UBA6: variants seen among roughly 807,000 people sequenced by gnomAD.
UBA6 encodes ubiquitin like modifier activating enzyme 6.
Under a neutral mutation model 148.3 loss-of-function variants are expected in UBA6, and 87 were observed. The ratio of observed to expected loss-of-function variants is 0.59; its 90% CI spans 0.49 to 0.70. UBA6 has a LOEUF of 0.70. Ranked by LOEUF, UBA6 falls within the 30% of genes least tolerant of loss-of-function variation. The probability of loss-of-function intolerance (pLI) is 0.00; values close to 1 mark genes in which losing one functional copy is unlikely to be tolerated. For missense variants in UBA6, 1,186 were observed against 1,241.2 expected (o/e 0.96, Z 0.67); for synonymous variants, 376 against 401.0 (o/e 0.94, Z 0.75).
At chr4:67,671,092 T>C (rs1730137653) in intron 7 of UBA6, among the ~76,000 whole-genome samples, 1 of 152,094 alleles carries the variant, frequency 6.6e-6, no homozygotes, top group African/African-American at 2.4e-5. Context: ...ATCAAAGCCA[T>C]GAAAGGTAAA....
chr4:67,686,498 G>C (rs1258416115), intron 2 of UBA6, among the ~76,000 whole-genome samples: 1 of 151,990 alleles, frequency 6.6e-6, no homozygotes, highest in Non-Finnish European at 1.5e-5. Context: ...CAACAACTTC[G>C]TATGGCTGCT....
intron 1 of UBA6, among the ~76,000 whole-genome samples, chr4:67,697,231 C>T (rs1186437106): frequency 6.6e-6 from 1 of 152,218 alleles, no homozygotes; most frequent in Admixed American, 6.5e-5. Context: ...TCTTGAACTA[C>T]TGACCTCAAG....
chr4:67,679,807 C>G (rs1730386853), intron 4 of UBA6, among the ~76,000 whole-genome samples: 1 of 152,022 alleles, frequency 6.6e-6, no homozygotes, highest in Non-Finnish European at 1.5e-5. Flanking sequence ...TCAGAAATTT[C>G]AGTATTTACT....
chr4:67,665,277 G>A lies in UBA6; in HGVS notation c.809C>T (p.Ser270Phe). 6.3e-7 allele frequency: 1 copy of A among 1,596,350 alleles called. No individual in the cohort carries two copies. Residue 270 changes from serine to phenylalanine, a missense_variant, in exon 10 of 33, where the codon TCT becomes TTT. Ser to Phe is a radical substitution (Grantham distance 155, BLOSUM62 -2). Coordinates refer to ENST00000322244, the MANE Select transcript of UBA6 (RefSeq NM_018227.6). ...IQQITVISPFSFSIGDTTELE... is the reference protein window; with the variant it reads ...IQQITVISPFFFSIGDTTELE... ...TTCTGTGGTGTCACCAATACTAAAAGAAAATGGCGATATCACTAGAAGACA... is the reference window on the plus strand; with the variant it reads ...TTCTGTGGTGTCACCAATACTAAAAAAAAATGGCGATATCACTAGAAGACA...
chr4:67,683,081 CCT>C (rs1481501126), intron 2 of UBA6, among the ~76,000 whole-genome samples: 2 of 152,048 alleles, frequency 1.3e-5, no homozygotes, highest in African/African-American at 4.8e-5. Context: ...TATTTCCTTC[CCT>C]GTTTCATACA....
intron 2 of UBA6, among the ~76,000 whole-genome samples, chr4:67,694,147 C>T (rs1167454289): frequency 8.1e-6 from 1 of 124,200 alleles, no homozygotes; most frequent in Non-Finnish European, 1.6e-5. Context: ...ACCCAAGAGG[C>T]GGAGGTTGCC....
At position 67,642,995 on chromosome 4, in the gene UBA6, G is replaced by A. The variant is rs1023167802; in HGVS notation, c.1476+1703C>T. Among the ~76,000 whole-genome samples, 6 of 151,626 alleles carry A rather than the reference G, an allele frequency of 4.0e-5. No individual in the cohort carries two copies. The East Asian group carries it at 7.7e-4, about 19-fold the overall frequency. On this transcript the variant is annotated intron_variant, in intron 17 of 32. Coordinates refer to ENST00000322244, the MANE Select transcript of UBA6 (RefSeq NM_018227.6). ...GTTATATTTAAATTTTAATATTAGC[G>A]ATTATACAGAAATTCTTATTTGGCT...
At chr4:67,629,768 TAC>T (rs1258141057) in intron 26 of UBA6, among the ~76,000 whole-genome samples, 1 of 152,060 alleles carries the variant, frequency 6.6e-6, no homozygotes, top group African/African-American at 2.4e-5. Context: ...ACCAAATATT[TAC>T]AGTTTATTTG....
At chr4:67,655,541 T>C (rs1354483072) in intron 13 of UBA6, among the ~76,000 whole-genome samples, 2 of 152,078 alleles carry the variant, frequency 1.3e-5, no homozygotes, top group East Asian at 1.9e-4. Context: ...TTCAAAGCAG[T>C]GTGTAGAGGG....
intron 7 of UBA6, 90 bp from the exon 8 acceptor site, chr4:67,670,682 T>TA: frequency 1.1e-6 from 1 of 946,258 alleles, no homozygotes; most frequent in Non-Finnish European, 1.7e-6. Context: ...ATTTAATTTA[T>TA]AATTAAGTAT....
At chr4:67,679,147 TAAAG>T (rs1460251197) in intron 4 of UBA6, among the ~76,000 whole-genome samples, 1 of 152,002 alleles carries the variant, frequency 6.6e-6, no homozygotes, top group Non-Finnish European at 1.5e-5. Flanking sequence ...GATAGCAAGG[TAAAG>T]AAAAGTAGAG....
At chr4:67,684,865 C>T (rs1247614711) in intron 2 of UBA6, among the ~76,000 whole-genome samples, 7 of 152,134 alleles carry the variant, frequency 4.6e-5, no homozygotes, top group Non-Finnish European at 4.4e-5. Flanking sequence ...AAGTGTTTTA[C>T]TTGTATTAAC....
chr4:67,642,436 C>G (rs963283006), intron 17 of UBA6, among the ~76,000 whole-genome samples: 3 of 152,058 alleles, frequency 2.0e-5, no homozygotes, highest in Non-Finnish European at 4.4e-5. Context: ...TTTTAACCAT[C>G]TCACTCTAAG....
At chr4:67,635,311 A>T (rs989318438) in intron 20 of UBA6, 142 bp downstream of exon 20, 16 of 481,460 alleles carry the variant, frequency 3.3e-5, no homozygotes, top group Non-Finnish European at 4.8e-5. Flanking sequence ...ATTATATTTT[A>T]AAAAATGTAC....
chr4:67,662,134 A>G, intron 13 of UBA6, 55 bp downstream of exon 13: 1 of 1,530,292 alleles, frequency 6.5e-7, no homozygotes, highest in Non-Finnish European at 9.1e-7. Flanking sequence ...TAATATACAG[A>G]ACACTTATGT....
At chr4:67,662,008 C>A in intron 13 of UBA6, 181 bp downstream of exon 13, 1 of 535,206 alleles carries the variant, frequency 1.9e-6, no homozygotes, top group Non-Finnish European at 3.3e-6. Context: ...TCACAATAAC[C>A]CTATGAAGGT....
intron 2 of UBA6, among the ~76,000 whole-genome samples, chr4:67,682,737 A>G (rs1005603680): frequency 7.9e-4 from 121 of 152,334 alleles, no homozygotes; most frequent in Admixed American, 4.2e-3. Flanking sequence ...AATATACGTT[A>G]GTAATTTAAA....
intron 25 of UBA6, among the ~76,000 whole-genome samples, chr4:67,631,353 T>A (rs557723310): frequency 2.0e-5 from 3 of 152,336 alleles, no homozygotes; most frequent in African/African-American, 7.2e-5. Flanking sequence ...TCAGTAGTAA[T>A]TATTTGTTCC....
In UBA6 at chr4:67,613,837, C is replaced by T. The variant is rs1426776061; in HGVS notation, c.*5160G>A. Reference sequence around the variant, plus strand: ...ACTTTCCAATCTGACTCTGGCATAACAAGAAAGAAAATCAAAATATTTTAC... The same window carrying T: ...ACTTTCCAATCTGACTCTGGCATAATAAGAAAGAAAATCAAAATATTTTAC... On this transcript the variant is annotated 3_prime_UTR_variant, in exon 33 of 33. Transcript: ENST00000322244. The T allele has an allele frequency of 6.6e-6, 1 of 152,110 alleles. No individual in the cohort carries two copies. The highest frequency in any genetic ancestry group is 1.5e-5 in the Non-Finnish European group (1 of 68,022). 9.4% of individuals were successfully genotyped at this position (152,110 alleles called of 1,614,324 possible). A position where few individuals can be genotyped will look rare whatever the true frequency, so the allele number is the denominator to read the frequency against.
Sources: gnomAD v4.1 joint callset for allele counts (sites outside exome capture counted in the v4.1 genomes callset) on GRCh38, gnomAD v4.1.1 for gene constraint, MANE v1.5 for transcripts, NCBI Gene and HGNC (gene_info 2026-07-23, HGNC 2026-07-21) for gene names.